Variants in RAI1 observed in about 807,000 individuals in gnomAD.
RAI1 encodes the protein retinoic acid-induced protein 1.
RAI1 carries 9 observed loss-of-function variants against 123.8 expected under a neutral mutation model. That is an observed-to-expected ratio of 0.07 (90% CI 0.04 to 0.13). The LOEUF (loss-of-function observed/expected upper bound fraction) is 0.13. Among genes scored for constraint, RAI1 ranks in the 10% least tolerant of loss-of-function variants. RAI1 has a pLI of 1.00. For synonymous variants in RAI1, 1,231 were observed against 1,127.3 expected, an observed-to-expected ratio of 1.09 and a Z score of -1.84; for missense variants, 2,256 against 2,545.8, an observed-to-expected ratio of 0.89 and a Z score of 2.45.
chr17:17,706,514 A>G (rs886767059), intron 1 of RAI1, among the ~76,000 whole-genome samples: 1 of 152,228 alleles, frequency 6.6e-6, no homozygotes, highest in Non-Finnish European at 1.5e-5. Context: ...GGGCCAGGGA[A>G]AGCCCAGGGC....
intron 4 of RAI1, among the ~76,000 whole-genome samples, chr17:17,805,229 T>C (rs552638977): frequency 6.6e-6 from 1 of 152,294 alleles, no homozygotes; most frequent in Non-Finnish European, 1.5e-5. Context: ...TTTCCCTACC[T>C]GTATGATGGA....
chr17:17,794,999 C>G lies in RAI1; in HGVS notation c.2051C>G (p.Pro684Arg), dbSNP rs746390296. 6.2e-7 allele frequency: 1 copy of G among 1,613,956 alleles called. No homozygotes were observed. The highest frequency in any genetic ancestry group is 1.1e-5 in the South Asian group (1 of 91,090). The change falls in exon 3 of 6, where the codon CCA becomes CGA. Residue 684 changes from proline (P) to arginine (R), a missense_variant. By Grantham distance (103) the Pro-to-Arg change is moderately radical. This residue lies in a region of RAI1 where 566 missense variants were observed against 616.0 expected (regional missense o/e 0.92). Coordinates refer to ENST00000353383, the MANE Select transcript of RAI1 (RefSeq NM_030665.4). The part of the protein sequence containing the change: ...DKGGNAKDFS[P>R]GLFEDPSVAF... ...GGCGGCAATGCCAAGGACTTCAGCC[C>G]AGGGCTGTTTGAAGACCCTTCCGTG...
intron 1 of RAI1, among the ~76,000 whole-genome samples, chr17:17,695,352 G>A (rs754951212): frequency 2.0e-5 from 3 of 151,934 alleles, no homozygotes; most frequent in Non-Finnish European, 2.9e-5. Context: ...GCAGTCGTTG[G>A]ACTGTCTGGC....
intron 3 of RAI1, among the ~76,000 whole-genome samples, chr17:17,802,804 C>T (rs111679115): frequency 3.9e-5 from 6 of 152,052 alleles, no homozygotes; most frequent in African/African-American, 1.2e-4. Flanking sequence ...AGCCAGTAGG[C>T]CAGGCGCTAT....
chr17:17,752,783 T>C (rs1302993004), intron 2 of RAI1, among the ~76,000 whole-genome samples: 1 of 152,180 alleles, frequency 6.6e-6, no homozygotes, highest in Admixed American at 6.5e-5. Context: ...GGCCGATTCC[T>C]CACCCCCTCA....
intron 2 of RAI1, among the ~76,000 whole-genome samples, chr17:17,748,170 ACT>A (rs1686183878): frequency 6.6e-6 from 1 of 152,196 alleles, no homozygotes. Flanking sequence ...TTCATCTAAC[ACT>A]GACTGTGTGG....
rs781312985 is a variant in RAI1, at chr17:17,792,962, G to C, written c.14G>C (p.Arg5Pro). ...CCAGCCCGAGTCATGCAGTCTTTTC[G>C]AGAAAGGTGTGGTTTCCATGGCAAA... The part of the protein sequence containing the change: MQSF[R>P]ERCGFHGKQQ... The change falls in exon 3 of 6, where the codon CGA (arginine) becomes CCA (proline). Residue 5 changes from arginine to proline, a missense_variant. Arg to Pro is a moderately radical substitution (Grantham distance 103). Coordinates refer to ENST00000353383, the MANE Select transcript of RAI1 (RefSeq NM_030665.4). 1.3e-6 allele frequency: 2 copies of C among 1,502,934 alleles called. No individual in the cohort carries two copies. The highest frequency in any genetic ancestry group is 1.8e-6 in the Non-Finnish European group (2 of 1,113,072). 93.1% of individuals were successfully genotyped at this position (1,502,934 alleles called of 1,614,324 possible). A position where few individuals can be genotyped will look rare whatever the true frequency, so the allele number is the denominator to read the frequency against.
At chr17:17,764,455 G>C (rs968705351) in intron 2 of RAI1, among the ~76,000 whole-genome samples, 8 of 148,760 alleles carry the variant, frequency 5.4e-5, no homozygotes, top group Non-Finnish European at 1.0e-4. Flanking sequence ...AACCTTTTCT[G>C]TCCAACTTCT....
intron 1 of RAI1, among the ~76,000 whole-genome samples, chr17:17,718,657 G>A (rs1398498376): frequency 2.0e-5 from 3 of 151,862 alleles, no homozygotes; most frequent in Non-Finnish European, 2.9e-5. Flanking sequence ...AGACAAAACC[G>A]GATCCATGGG....
rs2032103381 is a variant in RAI1, at chr17:17,793,547, C to T, written c.599C>T (p.Pro200Leu). The change falls in exon 3 of 6, where the codon CCT becomes CTT. Residue 200 changes from proline (P) to leucine (L), a missense_variant. This residue lies in a region of RAI1 where 336 missense variants were observed against 349.8 expected (regional missense o/e 0.96). Coordinates refer to ENST00000353383, the MANE Select transcript of RAI1 (RefSeq NM_030665.4). ...RQKLQNDIAS[P>L]LPFPQGTHFP... is the part of the protein sequence containing the mutation. ...AAGCTGCAGAACGACATTGCCTCCC[C>T]TCTGCCCTTCCCCCAGGGTACCCAC... 6.2e-7 allele frequency: 1 copy of T among 1,614,014 alleles called. No individual in the cohort carries two copies. Among genetic ancestry groups the T allele is most frequent in the Non-Finnish European group, 8.5e-7 (1 of 1,180,020 alleles).
chr17:17,793,415 A>G lies in RAI1; in HGVS notation c.467A>G (p.Gln156Arg), dbSNP rs977107435. ...AAGACAGCAGTGCCCCCCAGCAGGC[A>G]GTATGCAGAGCAGGGCGCCCAGGTG... ...MKKTAVPPSR[Q>R]YAEQGAQVPF... Residue 156 changes from glutamine (Q) to arginine (R), a missense_variant, in exon 3 of 6, where the codon CAG (glutamine) becomes CGG (arginine). Gln to Arg is a conservative substitution (Grantham distance 43). Coordinates refer to ENST00000353383, the MANE Select transcript of RAI1 (RefSeq NM_030665.4). The G allele has an allele frequency of 6.2e-7, 1 of 1,613,368 alleles. No individual in the cohort carries two copies. Among genetic ancestry groups the G allele is most frequent in the Admixed American group, 1.7e-5 (1 of 59,996 alleles).
intron 1 of RAI1, among the ~76,000 whole-genome samples, chr17:17,713,287 A>G (rs1015579951): frequency 6.6e-6 from 1 of 152,132 alleles, no homozygotes; most frequent in African/African-American, 2.4e-5. Context: ...CAGGTGAATC[A>G]CCTAAGCCCA....
At chr17:17,768,898 GA>G (rs1431236318) in intron 2 of RAI1, among the ~76,000 whole-genome samples, 4 of 152,234 alleles carry the variant, frequency 2.6e-5, no homozygotes, top group Non-Finnish European at 5.9e-5. Flanking sequence ...TCATGAGGGG[GA>G]GAGAGGAGAG....
intron 2 of RAI1, among the ~76,000 whole-genome samples, chr17:17,750,094 A>C (rs556865694): frequency 2.6e-5 from 4 of 152,320 alleles, no homozygotes; most frequent in African/African-American, 7.2e-5. Flanking sequence ...CTGGAAGGAG[A>C]TATCACTTGC....
At position 17,803,548 on chromosome 17, in the gene RAI1, C is replaced by G. The variant is rs1256860720; in HGVS notation, c.5566-208C>G. On this transcript the variant is annotated intron_variant, in intron 3 of 5. Coordinates refer to ENST00000353383, the MANE Select transcript of RAI1 (RefSeq NM_030665.4). ...AGTAGCTGGGACTACAGGCACACAC[C>G]ACCAACCCTCACTATTTTTTGTAGA... is the stretch of plus-strand genomic sequence containing the variant. Among the ~76,000 whole-genome samples the G allele has an allele frequency of 2.6e-5, 4 of 152,204 alleles. No individual in the cohort carries two copies. The East Asian group carries it at 5.8e-4, about 22-fold the overall frequency.
At position 17,809,644 on chromosome 17, in the gene RAI1, C is replaced by G. The variant is rs1248928679; in HGVS notation, c.5709+205C>G. On this transcript the variant is annotated intron_variant, in intron 5 of 5. Transcript: ENST00000353383. The surrounding 1 kb of genome is among the most constrained non-coding windows in gnomAD (Gnocchi z 4.9). Reference sequence around the variant, plus strand: ...CCTGTCCACTTGCGCGCCGCCGCCGCCGAAAACCCGCAGGCGTCGGGGCAT... The same window carrying G: ...CCTGTCCACTTGCGCGCCGCCGCCGGCGAAAACCCGCAGGCGTCGGGGCAT... 6.6e-6 allele frequency among the ~76,000 whole-genome samples: 1 copy of G among 152,018 alleles called. No homozygotes were observed. The highest frequency in any genetic ancestry group is 2.4e-5 in the African/African-American group (1 of 41,414).
intron 1 of RAI1, among the ~76,000 whole-genome samples, chr17:17,688,488 G>GATAATA (rs10687766): frequency 0.45 from 67,687 of 150,064 alleles, 15,984 homozygotes; most frequent in Middle Eastern, 0.54. Context: ...CAGTCTCAAT[G>GATAATA]ATAAATAAAT....
rs554959103 is a variant in RAI1, at chr17:17,798,213, C to A, written c.5265C>A (p.Pro1755=). The A allele has an allele frequency of 1.1e-5, 18 of 1,612,432 alleles. No individual in the cohort carries two copies. The East Asian group carries it at 2.0e-4, about 18-fold the overall frequency. ...CTGCCGCCACTGCCGGGAAGCCCCC[C>A]AGGCCTGACGGCCCAGCTGACCCGG... ...CAAAATAGKP[P]RPDGPADPAK... The change falls in exon 3 of 6, where the codon CCC becomes CCA. Residue 1755 remains proline, a synonymous_variant. Transcript: ENST00000353383.
rs200249502 is a variant in RAI1, at chr17:17,810,667, G to A, written c.*686G>A. On this transcript the variant is annotated 3_prime_UTR_variant, in exon 6 of 6. Coordinates refer to ENST00000353383, the MANE Select transcript of RAI1 (RefSeq NM_030665.4). The surrounding 1 kb of genome is among the most constrained non-coding windows in gnomAD (Gnocchi z 4.6). ...TAGACCTGGGCTATGCTCAGTTAGG[G>A]GTTGCGGGATCCCCGAGTGTGGGCG... is the stretch of plus-strand genomic sequence containing the variant. The A allele has an allele frequency of 8.1e-6, 3 of 369,016 alleles. No homozygotes were observed. The East Asian group carries it at 2.5e-4, about 30-fold the overall frequency. The allele number at this position is 369,016 out of a possible 1,614,324, so 22.9% of individuals were successfully genotyped here.
Sources: gnomAD v4.1 joint callset for allele counts (sites outside exome capture counted in the v4.1 genomes callset) on GRCh38, gnomAD v4.1.1 for gene constraint, gnomAD v4.1.1 regional missense constraint, Gnocchi (gnomAD v3.1) non-coding constraint, MANE v1.5 for transcripts, NCBI Gene and HGNC (gene_info 2026-07-23, HGNC 2026-07-21) for gene names.